The following PICALM variants were observed in gnomAD, a reference collection of about 807,000 sequenced individuals.
PICALM encodes phosphatidylinositol binding clathrin assembly protein.
A neutral mutation model predicts 80.5 loss-of-function variants in PICALM; 40 were observed. That is an observed-to-expected ratio of 0.50 (90% CI 0.39 to 0.65). The LOEUF (loss-of-function observed/expected upper bound fraction) is 0.65. PICALM is among the 30% of genes least tolerant of loss of function. The pLI is 0.00. For missense variants in PICALM, 676 were observed against 778.9 expected, an observed-to-expected ratio of 0.87 and a Z score of 1.57; for synonymous variants, 288 against 260.3, an observed-to-expected ratio of 1.11 and a Z score of -1.02.
At position 85,957,481 on chromosome 11, in the gene PICALM, AT is replaced by A. The variant is rs1182960386; in HGVS notation, c.*1564del. 6.6e-5 allele frequency among the ~76,000 whole-genome samples: 10 copies of A among 152,354 alleles called. 1 individual carries two copies. Among genetic ancestry groups the A allele is most frequent in the African/African-American group, 2.4e-4 (10 of 41,586 alleles). On this transcript the variant is annotated 3_prime_UTR_variant, in exon 20 of 20. Transcript: ENST00000393346. ...GTGAACAATTTTAATAAGTAGTTGC[AT>A]TTATCAATAAGAGTCTACAAGGTAA...
intron 1 of PICALM, among the ~76,000 whole-genome samples, chr11:86,060,569 T>C (rs1480453224): frequency 1.3e-5 from 2 of 152,132 alleles, no homozygotes; most frequent in African/African-American, 2.4e-5. Context: ...TGTCTTAGTA[T>C]ATGAAAACAG....
intron 19 of PICALM, among the ~76,000 whole-genome samples, chr11:85,967,774 TA>T (rs1362541293): frequency 6.7e-6 from 1 of 149,716 alleles, no homozygotes; most frequent in Non-Finnish European, 1.5e-5. Flanking sequence ...CACTAGTTCT[TA>T]AATACAAGAA....
intron 19 of PICALM, among the ~76,000 whole-genome samples, chr11:85,963,801 G>A (rs1317350511): frequency 6.6e-6 from 1 of 151,908 alleles, no homozygotes. Flanking sequence ...CTGTCACCCA[G>A]GCTGTAGTGT....
At chr11:85,983,122 T>A (rs1307796166) in intron 14 of PICALM, among the ~76,000 whole-genome samples, 1 of 152,230 alleles carries the variant, frequency 6.6e-6, no homozygotes, top group African/African-American at 2.4e-5. Flanking sequence ...GCTTGCTTCT[T>A]AGTTTTTGAA....
intron 19 of PICALM, among the ~76,000 whole-genome samples, chr11:85,967,317 G>C (rs990679320): frequency 3.3e-5 from 5 of 152,182 alleles, no homozygotes; most frequent in African/African-American, 1.2e-4. Flanking sequence ...GAACTTCACA[G>C]GCACCCCGGA....
At chr11:86,014,090 G>C (rs771276221) in intron 5 of PICALM, among the ~76,000 whole-genome samples, 29 of 152,242 alleles carry the variant, frequency 1.9e-4, no homozygotes, top group Middle Eastern at 6.8e-3. Context: ...AATGTTTACT[G>C]AACACTTACT....
chr11:86,031,637 T>G, intron 1 of PICALM, 26 bp from the exon 2 acceptor site: 1 of 1,551,302 alleles, frequency 6.4e-7, no homozygotes, highest in Non-Finnish European at 8.8e-7. Flanking sequence ...TTTAAATGAT[T>G]AATTTCCTCT....
chr11:86,007,056 C>T (rs1480702264), intron 8 of PICALM, among the ~76,000 whole-genome samples: 1 of 152,038 alleles, frequency 6.6e-6, no homozygotes, highest in Non-Finnish European at 1.5e-5. Context: ...ATGGCACAGC[C>T]GGGACTGAAA....
At chr11:86,058,581 A>T (rs2096305772) in intron 1 of PICALM, among the ~76,000 whole-genome samples, 1 of 152,194 alleles carries the variant, frequency 6.6e-6, no homozygotes, top group Non-Finnish European at 1.5e-5. Flanking sequence ...TGGCCCCTGG[A>T]ATCAACTTAC....
chr11:85,965,292 G>GT (rs1317679109), intron 19 of PICALM, among the ~76,000 whole-genome samples: 1 of 152,156 alleles, frequency 6.6e-6, no homozygotes, highest in Non-Finnish European at 1.5e-5. Context: ...CTCCACAACT[G>GT]TAAGCCAATA....
At chr11:85,992,147 G>A (rs2094801202) in intron 12 of PICALM, among the ~76,000 whole-genome samples, 1 of 150,944 alleles carries the variant, frequency 6.6e-6, no homozygotes, top group South Asian at 2.1e-4. Context: ...CAAGGACATT[G>A]GTTTTTAGTA....
At chr11:86,002,690 G>T (rs374333426) in intron 9 of PICALM, among the ~76,000 whole-genome samples, 1 of 152,190 alleles carries the variant, frequency 6.6e-6, no homozygotes, top group Non-Finnish European at 1.5e-5. Context: ...GGGCTATTGT[G>T]AGGATTGAGC....
intron 18 of PICALM, among the ~76,000 whole-genome samples, chr11:85,975,298 T>C (rs1021685222): frequency 2.0e-5 from 3 of 150,890 alleles, no homozygotes; most frequent in South Asian, 2.1e-4. Context: ...TTATTTCATA[T>C]AAGAATCAAG....
chr11:85,982,719 GC>G (rs2094478944), intron 14 of PICALM, among the ~76,000 whole-genome samples: 1 of 151,674 alleles, frequency 6.6e-6, no homozygotes, highest in Non-Finnish European at 1.5e-5. Flanking sequence ...GAGCCACCGC[GC>G]CCGGCCGAGA....
chr11:86,048,712 A>C lies in PICALM; in HGVS notation c.131-17101T>G, dbSNP rs1331109067. Among the ~76,000 whole-genome samples, 3 of 151,750 alleles carry C rather than the reference A, an allele frequency of 2.0e-5. No individual in the cohort carries two copies. The East Asian group carries it at 5.8e-4, about 29-fold the overall frequency. On this transcript the variant is annotated intron_variant, in intron 1 of 19. Coordinates refer to ENST00000393346, the MANE Select transcript of PICALM (RefSeq NM_007166.4). ...CCGGGCGTGGTGGCGCATGCCTGTA[A>C]TCTCAGCTACTCGGGAGGCTGAGGC...
At chr11:86,043,880 C>A (rs1283860553) in intron 1 of PICALM, among the ~76,000 whole-genome samples, 1 of 152,114 alleles carries the variant, frequency 6.6e-6, no homozygotes, top group Non-Finnish European at 1.5e-5. Context: ...TAATGGATTG[C>A]AGTTAGACTC....
rs370003676 is a variant in PICALM at position 85,987,391 on chromosome 11, G to GT, written c.1408+2858dup. Among the ~76,000 whole-genome samples the GT allele has an allele frequency of 8.2e-3, 1,254 of 152,160 alleles. 19 individuals are homozygous for GT. The highest frequency in any genetic ancestry group is 0.028 in the African/African-American group (1,163 of 41,490). On this transcript the variant is annotated intron_variant, in intron 13 of 19. Transcript: ENST00000393346. ...CAAGTATTTCACCTTACATAATATA[G>GT]TAAGTAGAAAAAGAAATTTTTTACT...
At chr11:85,961,780 T>C (rs931709765) in intron 19 of PICALM, among the ~76,000 whole-genome samples, 3 of 152,206 alleles carry the variant, frequency 2.0e-5, no homozygotes, top group African/African-American at 4.8e-5. Flanking sequence ...TGGAAATAGT[T>C]TCAATTCATA....
rs575515336 is a variant in PICALM, at chr11:85,982,671, C to T, written c.1517-668G>A. The stretch of plus-strand genomic sequence containing the variant: ...CTCGATCTCCTGACCTCATGATCCA[C>T]CCGCCTCGGCCTCCCAAAGTGCTGG... On this transcript the variant is annotated intron_variant, in intron 14 of 19. Coordinates refer to ENST00000393346, the MANE Select transcript of PICALM (RefSeq NM_007166.4). Among the ~76,000 whole-genome samples, 5 of 150,832 alleles carry T rather than the reference C, an allele frequency of 3.3e-5. No individual in the cohort carries two copies. In the East Asian group the frequency reaches 9.7e-4, roughly 29 times the overall value.
Sources: allele counts gnomAD v4.1 joint callset (sites outside exome capture counted in the v4.1 genomes callset), GRCh38; gene constraint gnomAD v4.1.1; transcripts MANE v1.5; gene names NCBI Gene and HGNC (gene_info 2026-07-23, HGNC 2026-07-21).